FOXP2: variants seen among roughly 807,000 people sequenced by gnomAD.
FOXP2 encodes forkhead box protein P2.
A neutral mutation model predicts 115.8 loss-of-function variants in FOXP2; 12 were observed. The observed-to-expected ratio is 0.10, with a 90% CI of 0.07 to 0.17. The LOEUF (loss-of-function observed/expected upper bound fraction) is 0.17. FOXP2 is among the 10% of genes least tolerant of loss of function. The probability of loss-of-function intolerance (pLI) is 1.00; values close to 1 mark genes in which losing one functional copy is unlikely to be tolerated. For synonymous variants in FOXP2, 328 were observed against 297.7 expected (o/e 1.10, Z -1.05); for missense variants, 629 against 843.5 (o/e 0.75, Z 3.15).
chr7:114,258,797 T>C (rs918524041), intron 1 of FOXP2, among the ~76,000 whole-genome samples: 7 of 152,174 alleles, frequency 4.6e-5, no homozygotes, highest in Non-Finnish European at 8.8e-5. Flanking sequence ...AGATGAAGAA[T>C]GTCTAGAGAG....
intron 2 of FOXP2, among the ~76,000 whole-genome samples, chr7:114,401,388 T>C (rs1021383900): frequency 1.3e-5 from 2 of 152,196 alleles, no homozygotes; most frequent in African/African-American, 4.8e-5. Flanking sequence ...TCTATTGACT[T>C]GAAGAGATGG....
intron 3 of FOXP2, among the ~76,000 whole-genome samples, chr7:114,555,871 G>A (rs762344975): frequency 6.6e-6 from 1 of 152,092 alleles, no homozygotes; most frequent in Non-Finnish European, 1.5e-5. Context: ...CCACCATGGA[G>A]GGGATCTCCA....
intron 2 of FOXP2, among the ~76,000 whole-genome samples, chr7:114,294,626 A>C (rs915787970): frequency 1.3e-5 from 2 of 152,120 alleles, no homozygotes; most frequent in Admixed American, 6.6e-5. Flanking sequence ...GGATCACCTG[A>C]GATCAGGAGT....
intron 1 of FOXP2, among the ~76,000 whole-genome samples, chr7:114,102,696 C>CCACACACACACACACACACACACACA (rs10624558): frequency 7.3e-6 from 1 of 136,388 alleles, no homozygotes; most frequent in African/African-American, 2.7e-5. Context: ...ACACCACACA[C>CCACACACACACACACACACACACACA]CACACACACA....
rs74431731 is a variant in FOXP2 at position 114,206,974 on chromosome 7, C to T, written c.-102+43886C>T. On this transcript the variant is annotated intron_variant, in intron 1 of 17. Coordinates refer to the FOXP2 transcript ENST00000634411. ...ATTAGCAGTCTCTCACTACCTCCCC[C>T]TACTCTGTAGTCCCTGGTAACCTTA... is the stretch of plus-strand genomic sequence containing the variant. Among the ~76,000 whole-genome samples, 645 of 152,316 alleles carry T rather than the reference C, an allele frequency of 4.2e-3. 2 individuals are homozygous for T. Among genetic ancestry groups the T allele is most frequent in the Non-Finnish European group, 7.0e-3 (474 of 68,028 alleles).
At chr7:114,119,176 T>C (rs982159102) in intron 1 of FOXP2, among the ~76,000 whole-genome samples, 17 of 152,140 alleles carry the variant, frequency 1.1e-4, no homozygotes, top group African/African-American at 4.1e-4. Flanking sequence ...TTAACAAAAT[T>C]CAGCTCATTA....
At chr7:114,489,916 G>A (rs539434312) in intron 2 of FOXP2, among the ~76,000 whole-genome samples, 3 of 152,126 alleles carry the variant, frequency 2.0e-5, no homozygotes, top group Non-Finnish European at 4.4e-5. Flanking sequence ...CCCAAATCCA[G>A]AACACTGACA....
chr7:114,557,649 A>G (rs1476276401), intron 3 of FOXP2, among the ~76,000 whole-genome samples: 1 of 151,984 alleles, frequency 6.6e-6, no homozygotes, highest in East Asian at 1.9e-4. Flanking sequence ...ATGTCAAATT[A>G]TTTTCTTACT....
intron 3 of FOXP2, among the ~76,000 whole-genome samples, chr7:114,538,085 A>G (rs1247961683): frequency 6.6e-6 from 1 of 151,728 alleles, no homozygotes; most frequent in Non-Finnish European, 1.5e-5. Flanking sequence ...GCCAAAAAGA[A>G]TAATACTTAA....
chr7:114,492,502 T>C (rs553928674), intron 2 of FOXP2, among the ~76,000 whole-genome samples: 63 of 152,298 alleles, frequency 4.1e-4, no homozygotes, highest in African/African-American at 1.4e-3. Context: ...AATTGTGATG[T>C]TAGGGTGTCA....
rs144896626 is a variant in FOXP2, at chr7:114,617,525, G to A, written c.259-11015G>A. Among the ~76,000 whole-genome samples, 9 of 152,292 alleles carry A rather than the reference G, an allele frequency of 5.9e-5. No homozygotes were observed. In the East Asian group the frequency reaches 1.2e-3, roughly 20 times the overall value. On this transcript the variant is annotated intron_variant, in intron 3 of 16. Transcript: ENST00000350908. ...CCAGAAATGCTTGGCTGGGCGAGGC[G>A]GCTCACGCGTGTAATCCCAACACTT...
intron 11 of FOXP2, among the ~76,000 whole-genome samples, chr7:114,658,489 G>C (rs1806706109): frequency 6.6e-6 from 1 of 152,144 alleles, no homozygotes; most frequent in African/African-American, 2.4e-5. Context: ...CTCCCCATTA[G>C]AGACACTGAG....
intron 16 of FOXP2, chr7:114,669,721 G>A (rs1239873883): frequency 1.3e-5 from 2 of 152,008 alleles, no homozygotes; most frequent in East Asian, 3.9e-4. Context: ...ATGTAGACTA[G>A]ACTTGGAAGA....
chr7:114,465,831 T>C (rs1795775854), intron 2 of FOXP2, among the ~76,000 whole-genome samples: 1 of 152,154 alleles, frequency 6.6e-6, no homozygotes. Context: ...TTGTTCTTCA[T>C]GGCTAAGTGC....
intron 2 of FOXP2, among the ~76,000 whole-genome samples, chr7:114,308,703 GCTTGCAGT>G (rs1051356302): frequency 1.3e-5 from 2 of 152,114 alleles, no homozygotes; most frequent in Non-Finnish European, 2.9e-5. Context: ...AATTACCTTG[GCTTGCAGT>G]CTATTGTAGG....
At chr7:114,090,491 T>A (rs1799520289) in intron 1 of FOXP2, among the ~76,000 whole-genome samples, 1 of 151,854 alleles carries the variant, frequency 6.6e-6, no homozygotes, top group Admixed American at 6.5e-5. Context: ...AGCACTGATT[T>A]CAAAAACAAC....
intron 2 of FOXP2, among the ~76,000 whole-genome samples, chr7:114,320,295 A>G (rs1415973823): frequency 2.0e-5 from 3 of 152,188 alleles, no homozygotes; most frequent in Non-Finnish European, 4.4e-5. Flanking sequence ...TCTCTTTATC[A>G]CTTCAACTTT....
intron 2 of FOXP2, among the ~76,000 whole-genome samples, chr7:114,366,836 A>C (rs1527147): frequency 0.96 from 145,533 of 152,142 alleles, 69,873 homozygotes; most frequent in East Asian, 1. Context: ...ACCTCTCATC[A>C]CTATTAGACT....
chr7:114,108,026 C>A (rs1016377283), intron 1 of FOXP2, among the ~76,000 whole-genome samples: 4 of 151,876 alleles, frequency 2.6e-5, no homozygotes, highest in African/African-American at 7.2e-5. Flanking sequence ...TTGACAAAGT[C>A]ACATTATTTT....
Sources: allele counts gnomAD v4.1 joint callset (sites outside exome capture counted in the v4.1 genomes callset), GRCh38; gene constraint gnomAD v4.1.1; transcripts MANE v1.5; gene names NCBI Gene and HGNC (gene_info 2026-07-23, HGNC 2026-07-21).